Variants in STK32B observed in about 807,000 individuals in gnomAD.
STK32B encodes the protein serine/threonine-protein kinase 32B.
A neutral mutation model predicts 52.6 loss-of-function variants in STK32B; 43 were observed. The ratio of observed to expected loss-of-function variants is 0.82; its 90% CI spans 0.64 to 1.05. The LOEUF (loss-of-function observed/expected upper bound fraction) is 1.05, where lower values mean the gene tolerates loss of function less well. STK32B is among the 50% of genes least tolerant of loss of function. STK32B has a pLI of 0.00. For missense variants in STK32B, 621 were observed against 534.6 expected, an observed-to-expected ratio of 1.16 and a Z score of -1.59; for synonymous variants, 238 against 204.3, an observed-to-expected ratio of 1.17 and a Z score of -1.41.
chr4:5,331,511 C>T lies in STK32B; in HGVS notation c.434+118C>T, dbSNP rs541067433. The T allele has an allele frequency of 3.4e-5, 37 of 1,092,290 alleles. No individual in the cohort carries two copies. In the African/African-American group the frequency reaches 4.2e-4, roughly 12 times the overall value. 67.7% of individuals were successfully genotyped at this position (1,092,290 alleles called of 1,614,324 possible). ...TTGACATGGTTTAAAAGTGGTAGTG[C>T]ATGAGGGAAAAAAGCAGAACACTTT... On this transcript the variant is annotated intron_variant, in intron 4 of 11. Transcript: ENST00000282908.
At chr4:5,321,451 G>A (rs527814272) in intron 3 of STK32B, among the ~76,000 whole-genome samples, 156 of 152,270 alleles carry the variant, frequency 1.0e-3, no homozygotes, top group African/African-American at 3.6e-3. Flanking sequence ...ATCAAGTGGT[G>A]AGGGCTGTGT....
chr4:5,308,642 G>A (rs1023998241), intron 3 of STK32B, among the ~76,000 whole-genome samples: 1 of 152,044 alleles, frequency 6.6e-6, no homozygotes, highest in African/African-American at 2.4e-5. Flanking sequence ...ATGGATGCAG[G>A]GACATGATTC....
the STK32B span, among the ~76,000 whole-genome samples, chr4:5,040,456 C>T: frequency 2.7e-5 from 4 of 147,008 alleles, no homozygotes; most frequent in Admixed American, 6.9e-5. Context: ...AGCAGTGGCA[C>T]GATCTTGGCT....
At chr4:5,046,911 A>T (rs943926853), upstream of STK32B, among the ~76,000 whole-genome samples, 1 of 152,238 alleles carries the variant, frequency 6.6e-6, no homozygotes, top group Non-Finnish European at 1.5e-5. Context: ...TAGTTCAACC[A>T]TTGTGGAAGA....
chr4:5,207,232 G>A (rs1327727398), intron 3 of STK32B, among the ~76,000 whole-genome samples: 2 of 152,154 alleles, frequency 1.3e-5, no homozygotes, highest in South Asian at 2.1e-4. Context: ...GATATGGTTT[G>A]GCTGTGTCCC....
At chr4:5,139,602 G>A (rs1004483323) in intron 1 of STK32B, 11 of 385,826 alleles carry the variant, frequency 2.9e-5, no homozygotes, top group Non-Finnish European at 4.3e-5. Context: ...CTGTCTTGGT[G>A]TAGGGAAACA....
chr4:5,227,870 C>A (rs1367337931), intron 3 of STK32B, among the ~76,000 whole-genome samples: 2 of 152,076 alleles, frequency 1.3e-5, no homozygotes, highest in Non-Finnish European at 2.9e-5. Context: ...AGTGAGAAAT[C>A]CAATGACTAC....
At chr4:5,069,068 G>A (rs1711596682) in intron 1 of STK32B, among the ~76,000 whole-genome samples, 1 of 152,138 alleles carries the variant, frequency 6.6e-6, no homozygotes, top group Admixed American at 6.5e-5. Context: ...ATTTGTAAAT[G>A]TGTGAATGAG....
chr4:5,022,081 C>T, the STK32B span, among the ~76,000 whole-genome samples: 1 of 152,200 alleles, frequency 6.6e-6, no homozygotes, highest in Non-Finnish European at 1.5e-5. Flanking sequence ...GCCTGCCGAG[C>T]CCAATGCATG....
intron 3 of STK32B, among the ~76,000 whole-genome samples, chr4:5,260,105 G>GCACA (rs937317320): frequency 6.6e-6 from 1 of 151,736 alleles, no homozygotes; most frequent in East Asian, 1.9e-4. Flanking sequence ...ACACGTGCAC[G>GCACA]CACACACACA....
chr4:5,385,930 A>T lies in STK32B; in HGVS notation c.435-12277A>T, dbSNP rs746452728. Among the ~76,000 whole-genome samples the T allele has an allele frequency of 8.1e-4, 7 of 8,592 alleles. No homozygotes were observed. In the South Asian group the frequency reaches 0.031, roughly 38 times the overall value. The allele number at this position is 8,592 out of a possible 152,430, so 5.6% of individuals were successfully genotyped here. A position where few individuals can be genotyped will look rare whatever the true frequency, so the allele number is the denominator to read the frequency against. ...ACCCACATTCCCCACCCACAGCCCC[A>T]CCCACAGCCCCCACTCACAGCTCCA... is the stretch of plus-strand genomic sequence containing the variant. On this transcript the variant is annotated intron_variant, in intron 4 of 11. Coordinates refer to ENST00000282908, the MANE Select transcript of STK32B (RefSeq NM_018401.3).
intron 8 of STK32B, chr4:5,459,022 G>C (rs931572986): frequency 6.6e-6 from 1 of 152,282 alleles, no homozygotes; most frequent in African/African-American, 2.4e-5. Context: ...CTGGACATCA[G>C]CATGTTTTCA....
chr4:5,491,128 A>G (rs937640850), intron 11 of STK32B, among the ~76,000 whole-genome samples: 5 of 152,212 alleles, frequency 3.3e-5, no homozygotes, highest in Admixed American at 6.5e-5. Context: ...TTCCAGTTCT[A>G]GATTGCTGAA....
At chr4:5,253,473 C>T (rs909043845) in intron 3 of STK32B, among the ~76,000 whole-genome samples, 1 of 152,110 alleles carries the variant, frequency 6.6e-6, no homozygotes, top group African/African-American at 2.4e-5. Flanking sequence ...CTCCCAGGCT[C>T]AAGCGATTCT....
chr4:5,400,171 T>A lies in STK32B; in HGVS notation c.472+1927T>A, dbSNP rs551686425. Reference sequence around the variant, plus strand: ...GCCTGGCTTCATAGTTCTGGCTCCATCCTCACAGACCTTGGCCACAGCTCC... The same window carrying A: ...GCCTGGCTTCATAGTTCTGGCTCCAACCTCACAGACCTTGGCCACAGCTCC... On this transcript the variant is annotated intron_variant, in intron 5 of 11. Transcript: ENST00000282908. The surrounding 1 kb of genome is among the most constrained non-coding windows in gnomAD (Gnocchi z 6.1). 1.1e-4 allele frequency among the ~76,000 whole-genome samples: 16 copies of A among 152,260 alleles called. No homozygotes were observed. The South Asian group carries it at 3.1e-3, about 30-fold the overall frequency.
At chr4:5,221,858 A>T (rs1723560997) in intron 3 of STK32B, among the ~76,000 whole-genome samples, 2 of 131,024 alleles carry the variant, frequency 1.5e-5, no homozygotes, top group South Asian at 4.5e-4. Context: ...CTGTCTCAAA[A>T]AAAAAAAAAA....
At chr4:5,403,484 A>G (rs1737451886) in intron 5 of STK32B, among the ~76,000 whole-genome samples, 1 of 152,162 alleles carries the variant, frequency 6.6e-6, no homozygotes, top group Non-Finnish European at 1.5e-5. Context: ...TGCCCATGAC[A>G]TAGCCTGCGC....
rs1233148927 is a variant in STK32B at position 5,470,324 on chromosome 4, A to C, written c.1106+2254A>C. On this transcript the variant is annotated intron_variant, in intron 11 of 11. Transcript: ENST00000282908. The surrounding 1 kb of genome is among the most constrained non-coding windows in gnomAD (Gnocchi z 4.6). ...CCTATGGACACCATTGAGATTTGGC[A>C]TCGGGGATTGGAAGTGAGGCTGGCA... Among the ~76,000 whole-genome samples the C allele has an allele frequency of 6.6e-6, 1 of 152,204 alleles. No homozygotes were observed.
chr4:5,210,646 C>T (rs1722851375), intron 3 of STK32B, among the ~76,000 whole-genome samples: 1 of 152,100 alleles, frequency 6.6e-6, no homozygotes, highest in Non-Finnish European at 1.5e-5. Context: ...CTGTTATGAG[C>T]CCTGCCCTAG....
Sources: gnomAD v4.1 joint callset for allele counts (sites outside exome capture counted in the v4.1 genomes callset) on GRCh38, gnomAD v4.1.1 for gene constraint, Gnocchi (gnomAD v3.1) non-coding constraint, MANE v1.5 for transcripts, NCBI Gene and HGNC (gene_info 2026-07-23, HGNC 2026-07-21) for gene names.